CACNA1C: variants seen among roughly 807,000 people sequenced by gnomAD.
CACNA1C encodes calcium voltage-gated channel subunit alpha1 C.
Under a neutral mutation model 229.0 loss-of-function variants are expected in CACNA1C, and 30 were observed. The ratio of observed to expected loss-of-function variants is 0.13; its 90% CI spans 0.10 to 0.18. CACNA1C has a LOEUF of 0.18. Ranked by LOEUF, CACNA1C falls within the 10% of genes least tolerant of loss-of-function variation. The pLI is 1.00. For synonymous variants in CACNA1C, 1,114 were observed against 1,132.5 expected (o/e 0.98, Z 0.33); for missense variants, 1,658 against 2,845.0 (o/e 0.58, Z 9.49).
chr12:2,682,400 C>A, intron 42 of CACNA1C, 150 bp from the exon 43 acceptor site: 1 of 928,812 alleles, frequency 1.1e-6, no homozygotes, highest in East Asian at 2.7e-5. Context: ...AACAAAGCAC[C>A]AGCAACTGTA....
chr12:2,535,422 G>A (rs928384166), intron 9 of CACNA1C, among the ~76,000 whole-genome samples: 2 of 151,396 alleles, frequency 1.3e-5, no homozygotes, highest in East Asian at 1.9e-4. Context: ...CCAGAGGCCC[G>A]GCATGGTGGC....
intron 7 of CACNA1C, among the ~76,000 whole-genome samples, chr12:2,502,620 T>C (rs1324503366): frequency 6.6e-6 from 1 of 152,164 alleles, no homozygotes; most frequent in Non-Finnish European, 1.5e-5. Flanking sequence ...CTAACCAAAA[T>C]TTAGTAATAT....
chr12:2,592,122 T>C (rs944339816), intron 18 of CACNA1C, among the ~76,000 whole-genome samples: 4 of 152,214 alleles, frequency 2.6e-5, no homozygotes, highest in Non-Finnish European at 4.4e-5. Flanking sequence ...CAACCCACTG[T>C]AGTGAAGTGC....
chr12:2,675,788 G>A (rs1255282464), intron 39 of CACNA1C, among the ~76,000 whole-genome samples: 2 of 152,216 alleles, frequency 1.3e-5, no homozygotes, highest in Admixed American at 6.5e-5. Flanking sequence ...GCCATGCAGA[G>A]TGCAAAGCTG....
At chr12:2,307,533 C>G (rs977148220) in intron 3 of CACNA1C, among the ~76,000 whole-genome samples, 1 of 152,146 alleles carries the variant, frequency 6.6e-6, no homozygotes, top group Non-Finnish European at 1.5e-5. Flanking sequence ...GATTCATGGC[C>G]TTTAACTATG....
intron 5 of CACNA1C, among the ~76,000 whole-genome samples, chr12:2,464,208 C>G (rs188011463): frequency 2.6e-5 from 4 of 152,158 alleles, no homozygotes; most frequent in East Asian, 3.9e-4. Flanking sequence ...TCTGTAAGAC[C>G]AGCACTAGCC....
chr12:2,547,613 G>A (rs1391717057), intron 9 of CACNA1C: 24 of 739,834 alleles, frequency 3.2e-5, no homozygotes, highest in East Asian at 7.6e-5. Context: ...GGCTTGTGCC[G>A]CAGTAGTTCT....
chr12:2,234,989 G>A lies in CACNA1C; in HGVS notation c.477+114559G>A, dbSNP rs145861176. Among the ~76,000 whole-genome samples, 317 of 152,166 alleles carry A rather than the reference G, an allele frequency of 2.1e-3. 2 individuals carry two copies. The highest frequency in any genetic ancestry group is 7.2e-3 in the African/African-American group (300 of 41,524). On this transcript the variant is annotated intron_variant, in intron 3 of 46. Transcript: ENST00000399655. Reference sequence around the variant, plus strand: ...TCACAAAGGTGGCTTCTGGATATCCGCCTGCTATGAACACATAGCCTTTGT... The same window carrying A: ...TCACAAAGGTGGCTTCTGGATATCCACCTGCTATGAACACATAGCCTTTGT...
chr12:2,681,995 TTCAGGCTCAGCAGGGAC>T (rs1450765798), intron 42 of CACNA1C: 19 of 1,611,922 alleles, frequency 1.2e-5, no homozygotes, highest in Non-Finnish European at 1.5e-5. Context: ...TCAGGAGGGA[TTCAGGCTCAGCAGGGAC>T]TCAGGCTCAC....
In CACNA1C at chr12:2,632,263, A is replaced by C. The variant is rs369187292; in HGVS notation, c.3829-2034A>C. Reference sequence around the variant, plus strand: ...GTACTCGGTCCTTCCCCCTCCACCCATGGGGAATATGACCGCCTGTAGCTG... The same window carrying C: ...GTACTCGGTCCTTCCCCCTCCACCCCTGGGGAATATGACCGCCTGTAGCTG... On this transcript the variant is annotated intron_variant, in intron 29 of 46. Transcript: ENST00000399655. This position sits in a 1 kb window ranked among gnomAD's most constrained non-coding sequence, Gnocchi z 4.1. Among the ~76,000 whole-genome samples the C allele has an allele frequency of 4.1e-5, 6 of 147,888 alleles. No homozygotes were observed. Among genetic ancestry groups the C allele is most frequent in the Non-Finnish European group, 8.9e-5 (6 of 67,196 alleles).
intron 3 of CACNA1C, among the ~76,000 whole-genome samples, chr12:2,168,394 T>C (rs977086615): frequency 2.6e-5 from 4 of 152,216 alleles, no homozygotes; most frequent in Non-Finnish European, 2.9e-5. Context: ...ATGGCTCTAG[T>C]ATTCCGATCT....
chr12:2,260,307 C>A (rs1378658798), intron 3 of CACNA1C, among the ~76,000 whole-genome samples: 1 of 151,790 alleles, frequency 6.6e-6, no homozygotes, highest in Non-Finnish European at 1.5e-5. Flanking sequence ...GGGACCTTGT[C>A]TCTACAAAAA....
In CACNA1C at chr12:2,108,841, T is replaced by C. The variant is rs912819512; in HGVS notation, c.50-6383T>C. Among the ~76,000 whole-genome samples the C allele has an allele frequency of 4.6e-5, 7 of 152,148 alleles. No individual in the cohort carries two copies. Among genetic ancestry groups the C allele is most frequent in the African/African-American group, 1.7e-4 (7 of 41,418 alleles). The stretch of plus-strand genomic sequence containing the variant: ...AGCTTTCTAGTCATTGGGCCTTTAG[T>C]GGGTGGAGAAAGTCCGGTTTCTGTT... On this transcript the variant is annotated intron_variant, in intron 1 of 46. Coordinates refer to ENST00000399655, the MANE Select transcript of CACNA1C (RefSeq NM_000719.7). The surrounding 1 kb of genome is among the most constrained non-coding windows in gnomAD (Gnocchi z 5.3).
chr12:2,014,081 A>G (rs1397530645), intron 1 of CACNA1C, among the ~76,000 whole-genome samples: 1 of 151,588 alleles, frequency 6.6e-6, no homozygotes, highest in Non-Finnish European at 1.5e-5. Flanking sequence ...TGCTATGGAG[A>G]CTCCTAGGAG....
At chr12:2,671,308 C>T (rs745487131) in intron 38 of CACNA1C, among the ~76,000 whole-genome samples, 7 of 152,100 alleles carry the variant, frequency 4.6e-5, no homozygotes, top group African/African-American at 1.2e-4. Context: ...CCACCGCGCC[C>T]GGCCAAAACA....
intron 3 of CACNA1C, among the ~76,000 whole-genome samples, chr12:2,218,576 G>T (rs560775809): frequency 6.6e-6 from 1 of 152,266 alleles, no homozygotes; most frequent in South Asian, 2.1e-4. Context: ...AGAGCTCAGC[G>T]CATCTTTCAG....
chr12:2,368,848 A>G (rs1042636134), intron 3 of CACNA1C, among the ~76,000 whole-genome samples: 7 of 152,200 alleles, frequency 4.6e-5, no homozygotes, highest in African/African-American at 1.7e-4. Context: ...AAAAATAACC[A>G]GACCAAATTT....
intron 1 of CACNA1C, among the ~76,000 whole-genome samples, chr12:1,981,397 A>C (rs1188969416): frequency 6.6e-6 from 1 of 152,236 alleles, no homozygotes; most frequent in African/African-American, 2.4e-5. Flanking sequence ...TTAATTGTGC[A>C]CATTTAATGC....
At chr12:2,657,579 T>C (rs1034721223) in intron 34 of CACNA1C, among the ~76,000 whole-genome samples, 29 of 151,778 alleles carry the variant, frequency 1.9e-4, no homozygotes, top group African/African-American at 7.0e-4. Context: ...AGTAGAAAAA[T>C]AAATAAAACA....
Sources: allele counts gnomAD v4.1 joint callset (sites outside exome capture counted in the v4.1 genomes callset), GRCh38; gene constraint gnomAD v4.1.1; non-coding constraint Gnocchi (gnomAD v3.1); transcripts MANE v1.5; gene names NCBI Gene and HGNC (gene_info 2026-07-23, HGNC 2026-07-21).